Variants in GSE1 observed in about 807,000 individuals in gnomAD.
GSE1 encodes Gse1 coiled-coil protein, also known as genetic suppressor element 1.
GSE1 carries 32 observed loss-of-function variants against 112.6 expected under a neutral mutation model. That is an observed-to-expected ratio of 0.28 (90% confidence interval 0.21 to 0.38). The LOEUF (loss-of-function observed/expected upper bound fraction) is 0.38. Among genes scored for constraint, GSE1 ranks in the 10% least tolerant of loss-of-function variants. The pLI, the probability that GSE1 is intolerant of heterozygous loss-of-function variation, is 1.00. For synonymous variants in GSE1, 1,115 were observed against 735.6 expected, an observed-to-expected ratio of 1.52 and a Z score of -8.35; for missense variants, 2,348 against 1,699.2, an observed-to-expected ratio of 1.38 and a Z score of -6.71.
intron 1 of GSE1, among the ~76,000 whole-genome samples, chr16:85,188,256 C>A (rs2074748927): frequency 7.3e-6 from 1 of 136,638 alleles, no homozygotes; most frequent in Non-Finnish European, 1.6e-5. Context: ...TCAGCGGGCA[C>A]CTGCTGCCTG....
chr16:85,451,648 G>GT (rs138867841), intron 2 of GSE1, among the ~76,000 whole-genome samples: 86 of 4,178 alleles, frequency 0.021, 25 homozygotes, highest in African/African-American at 0.025. Flanking sequence ...GGTGGTTGGT[G>GT]TGTGTGCTGG....
intron 9 of GSE1, 37 bp from the exon 10 acceptor site, chr16:85,662,944 C>A: frequency 7.2e-7 from 1 of 1,381,034 alleles, no homozygotes; most frequent in Non-Finnish European, 1.0e-6. Context: ...CAGATGAAGG[C>A]TCTTTGTCTG....
At chr16:85,200,935 AAC>A (rs1445671946) in intron 1 of GSE1, among the ~76,000 whole-genome samples, 1 of 152,202 alleles carries the variant, frequency 6.6e-6, no homozygotes, top group African/African-American at 2.4e-5. Context: ...CGTGAGTCTG[AAC>A]AGGCCAGAGA....
At chr16:85,516,854 G>A (rs935244060) in intron 2 of GSE1, among the ~76,000 whole-genome samples, 16 of 147,928 alleles carry the variant, frequency 1.1e-4, no homozygotes, top group Non-Finnish European at 1.9e-4. Context: ...CTGGAGTGCA[G>A]TGGCGTGATC....
At chr16:85,421,041 G>T (rs1475928645) in intron 2 of GSE1, among the ~76,000 whole-genome samples, 4 of 152,260 alleles carry the variant, frequency 2.6e-5, no homozygotes, top group Non-Finnish European at 4.4e-5. Flanking sequence ...AATCATAACA[G>T]AGCCTACTGT....
intron 2 of GSE1, among the ~76,000 whole-genome samples, chr16:85,509,662 C>A (rs558714305): frequency 6.6e-6 from 1 of 152,210 alleles, no homozygotes; most frequent in Non-Finnish European, 1.5e-5. Context: ...TGAAGGCCAG[C>A]GTGGGGAACA....
chr16:85,569,278 G>T (rs1030565049), intron 1 of GSE1, among the ~76,000 whole-genome samples: 2 of 152,178 alleles, frequency 1.3e-5, no homozygotes, highest in African/African-American at 4.8e-5. Context: ...AGGAGTGGCC[G>T]CTCCCTGCTC....
upstream of GSE1, among the ~76,000 whole-genome samples, chr16:85,612,594 C>T (rs913369613): frequency 1.3e-5 from 2 of 151,382 alleles, no homozygotes; most frequent in East Asian, 2.0e-4. Flanking sequence ...GCAATTGTGG[C>T]CTTCCCAAAA....
chr16:85,312,377 A>G (rs1376569770), intron 1 of GSE1, among the ~76,000 whole-genome samples: 1 of 152,044 alleles, frequency 6.6e-6, no homozygotes, highest in African/African-American at 2.4e-5. Flanking sequence ...CCTCCCTTCC[A>G]AGGCTCGGGG....
chr16:85,387,992 G>GTGGGTGGA (rs772398534), intron 2 of GSE1, among the ~76,000 whole-genome samples: 7 of 103,140 alleles, frequency 6.8e-5, no homozygotes, highest in East Asian at 5.6e-4. Context: ...GGATGGGTGG[G>GTGGGTGGA]TGGATGGATG....
At chr16:85,356,930 C>T (rs1331500941) in intron 1 of GSE1, among the ~76,000 whole-genome samples, 1 of 152,178 alleles carries the variant, frequency 6.6e-6, no homozygotes, top group Non-Finnish European at 1.5e-5. Flanking sequence ...AGAGAGCATC[C>T]CCCGGGGGTA....
chr16:85,173,102 C>T (rs978629450), intron 1 of GSE1, among the ~76,000 whole-genome samples: 1 of 152,218 alleles, frequency 6.6e-6, no homozygotes, highest in African/African-American at 2.4e-5. Context: ...AGTGCAGCCC[C>T]TGGGAGTCAG....
At chr16:85,382,947 A>T (rs953247443) in intron 2 of GSE1, among the ~76,000 whole-genome samples, 2 of 151,192 alleles carry the variant, frequency 1.3e-5, no homozygotes, top group African/African-American at 4.9e-5. Context: ...ACACGTACAC[A>T]TGCACACACG....
intron 1 of GSE1, chr16:85,279,139 A>G (rs1313168425): frequency 6.6e-6 from 1 of 152,312 alleles, no homozygotes; most frequent in East Asian, 1.9e-4. Context: ...ACGACATAAA[A>G]TAACGATGTG....
At chr16:85,551,206 C>G (rs774789459), upstream of GSE1, among the ~76,000 whole-genome samples, 19 of 152,206 alleles carry the variant, frequency 1.2e-4, no homozygotes, top group Admixed American at 2.6e-4. Context: ...GCATTGCCAC[C>G]ACCAGGCTTT....
chr16:85,639,799 C>T (rs558775481), intron 2 of GSE1, among the ~76,000 whole-genome samples: 14 of 152,362 alleles, frequency 9.2e-5, no homozygotes, highest in South Asian at 2.1e-4. Context: ...CAGGCACCCT[C>T]GCAAGCTGTG....
rs977006332 is a variant in GSE1 at position 85,627,161 on chromosome 16, C to CG, written c.8-6747dup. On this transcript the variant is annotated intron_variant, in intron 1 of 15. Coordinates refer to ENST00000253458, the MANE Select transcript of GSE1 (RefSeq NM_014615.5). ...TGATTCAAGAAGCGGTGCTTTGTTA[C>CG]GGGGGGCGGGGGGTGGGGGCCTCAC... 9.9e-5 allele frequency among the ~76,000 whole-genome samples: 10 copies of CG among 101,158 alleles called. No individual in the cohort carries two copies. The East Asian group carries it at 2.2e-3, about 22-fold the overall frequency. The allele number at this position is 101,158 out of a possible 152,430, so 66.4% of individuals were successfully genotyped here.
At chr16:85,436,926 G>A (rs2049260381) in intron 2 of GSE1, among the ~76,000 whole-genome samples, 1 of 152,246 alleles carries the variant, frequency 6.6e-6, no homozygotes, top group Admixed American at 6.5e-5. Context: ...GAGCTCATCA[G>A]TGGGAGACAT....
At chr16:85,385,474 C>A (rs538245504) in intron 2 of GSE1, among the ~76,000 whole-genome samples, 1 of 152,214 alleles carries the variant, frequency 6.6e-6, no homozygotes, top group East Asian at 1.9e-4. Context: ...TGCCTCCCAC[C>A]ACTACCCGTG....
Sources: allele counts gnomAD v4.1 joint callset (sites outside exome capture counted in the v4.1 genomes callset), GRCh38; gene constraint gnomAD v4.1.1; transcripts MANE v1.5; gene names NCBI Gene and HGNC (gene_info 2026-07-23, HGNC 2026-07-21).